Variants in ANKRD13C observed in about 807,000 individuals in gnomAD.
ANKRD13C encodes ankyrin repeat domain 13C.
In ANKRD13C, 16 loss-of-function variants were observed where a neutral mutation model predicts 65.5. The observed-to-expected ratio is 0.24, with a 90% CI of 0.17 to 0.37. The LOEUF (loss-of-function observed/expected upper bound fraction) is 0.37, where lower values mean the gene tolerates loss of function less well. Among genes scored for constraint, ANKRD13C ranks in the 10% least tolerant of loss-of-function variants. The pLI is 1.00. For synonymous variants in ANKRD13C, 235 were observed against 238.7 expected (o/e 0.98, Z 0.14); for missense variants, 503 against 655.9 (o/e 0.77, Z 2.55).
intron 3 of ANKRD13C, among the ~76,000 whole-genome samples, chr1:70,323,630 G>C (rs1681408038): frequency 6.6e-6 from 1 of 151,468 alleles, no homozygotes; most frequent in Admixed American, 6.6e-5. Context: ...CTGGGTGACA[G>C]GGCGAGACTC....
chr1:70,352,316 G>T (rs1186034899), intron 1 of ANKRD13C, among the ~76,000 whole-genome samples: 1 of 144,732 alleles, frequency 6.9e-6, no homozygotes, highest in Non-Finnish European at 1.5e-5. Context: ...CTCCAGCCTG[G>T]GCGACAGAGC....
chr1:70,265,940 A>G (rs199569807), intron 12 of ANKRD13C, among the ~76,000 whole-genome samples: 11,384 of 150,994 alleles, frequency 0.075, 637 homozygotes, highest in East Asian at 0.28. Context: ...AAGGGAGGGA[A>G]GAAGGAAGGA....
chr1:70,319,926 C>A (rs1440212468), intron 3 of ANKRD13C, among the ~76,000 whole-genome samples: 3 of 152,092 alleles, frequency 2.0e-5, no homozygotes, highest in Non-Finnish European at 2.9e-5. Flanking sequence ...ATGTTTCTGA[C>A]ACATCTAGTA....
intron 4 of ANKRD13C, among the ~76,000 whole-genome samples, chr1:70,314,193 CAT>C (rs933406656): frequency 4.6e-5 from 7 of 151,542 alleles, no homozygotes; most frequent in South Asian, 2.1e-4. Flanking sequence ...AAATCTGAAA[CAT>C]GTCATCATAT....
intron 5 of ANKRD13C, among the ~76,000 whole-genome samples, chr1:70,313,414 T>C (rs1375956301): frequency 6.6e-6 from 1 of 151,396 alleles, no homozygotes; most frequent in Non-Finnish European, 1.5e-5. Flanking sequence ...CCTGTGGTCC[T>C]AGCTACTCAG....
chr1:70,315,527 T>C lies in ANKRD13C; in HGVS notation c.617A>G (p.Glu206Gly). 6.2e-7 allele frequency: 1 copy of C among 1,609,464 alleles called. No homozygotes were observed. Among genetic ancestry groups the C allele is most frequent in the Non-Finnish European group, 8.5e-7 (1 of 1,177,638 alleles). ...TCGAGGTCGTTTTTCTTCAACACTT[T>C]CCCTGGATTGCTGCTTAAGCTTCCT... ...LLRKLKQQSR[E>G]SVEEKRPRLL... The change falls in exon 4 of 13, where the codon GAA becomes GGA. Residue 206 changes from glutamate (E) to glycine (G), a missense_variant. Physicochemically the swap from Glu to Gly is moderately conservative, Grantham distance 98. Around this residue, in one of 2 missense-constraint regions of ANKRD13C, gnomAD observed 300 missense variants for 478.3 expected, o/e 0.63. Transcript: ENST00000370944.
chr1:70,306,719 G>A (rs1051750799), intron 5 of ANKRD13C, among the ~76,000 whole-genome samples: 1 of 152,142 alleles, frequency 6.6e-6, no homozygotes, highest in African/African-American at 2.4e-5. Context: ...AGACATCTTT[G>A]AAGTGAGACA....
rs913303723 is a variant in ANKRD13C, at chr1:70,262,464, T to C, written c.*253A>G. ...CTCATAGCTGCTTCACATACGCAGG[T>C]CTTAGGGTCATTAATGTGTCAAACT... On this transcript the variant is annotated 3_prime_UTR_variant, in exon 13 of 13. Coordinates refer to ENST00000370944, the MANE Select transcript of ANKRD13C (RefSeq NM_030816.5). 6.1e-5 allele frequency: 15 copies of C among 244,166 alleles called. No individual in the cohort carries two copies. The highest frequency in any genetic ancestry group is 2.9e-4 in the African/African-American group (13 of 45,076). 15.1% of individuals were successfully genotyped at this position (244,166 alleles called of 1,614,324 possible).
intron 8 of ANKRD13C, chr1:70,293,427 G>A (rs1160328902): frequency 2.9e-6 from 1 of 342,046 alleles, no homozygotes; most frequent in Non-Finnish European, 4.1e-6. Context: ...AGTCCACCTT[G>A]CAAAAAAAGC....
At position 70,354,601 on chromosome 1, in the gene ANKRD13C, G is replaced by A; in HGVS notation, c.-193C>T. 1 of 1,329,026 alleles carries A rather than the reference G, an allele frequency of 7.5e-7. No individual in the cohort carries two copies. Among genetic ancestry groups the A allele is most frequent in the East Asian group, 2.5e-5 (1 of 39,384 alleles). The allele number at this position is 1,329,026 out of a possible 1,614,324, so 82.3% of individuals were successfully genotyped here. ...GGCTCTCGCCTAGGCACGAAGGGAC[G>A]CGCGCTCGCTGGGGGAAGCTAGAAC... On this transcript the variant is annotated 5_prime_UTR_variant, in exon 1 of 13. Coordinates refer to ENST00000370944, the MANE Select transcript of ANKRD13C (RefSeq NM_030816.5).
intron 9 of ANKRD13C, among the ~76,000 whole-genome samples, chr1:70,289,578 T>G (rs1311299209): frequency 6.6e-6 from 1 of 151,940 alleles, no homozygotes; most frequent in African/African-American, 2.4e-5. Context: ...GCCATTTTTC[T>G]GCCTCAGCCT....
intron 10 of ANKRD13C, among the ~76,000 whole-genome samples, chr1:70,275,234 T>C (rs923958307): frequency 6.6e-6 from 1 of 152,230 alleles, no homozygotes; most frequent in Non-Finnish European, 1.5e-5. Context: ...GAATTCTATA[T>C]TAACTATTAT....
chr1:70,331,815 C>T (rs1293451268), intron 2 of ANKRD13C, among the ~76,000 whole-genome samples: 3 of 92,440 alleles, frequency 3.2e-5, no homozygotes, highest in South Asian at 3.7e-4. Context: ...GAGCAAGACT[C>T]GACTCAAAAA....
At position 70,260,253 on chromosome 1, in the gene ANKRD13C, G is replaced by A. The variant is rs750004026; in HGVS notation, c.*2464C>T. Among the ~76,000 whole-genome samples the A allele has an allele frequency of 1.8e-4, 27 of 152,054 alleles. No homozygotes were observed. The highest frequency in any genetic ancestry group is 2.4e-4 in the Non-Finnish European group (16 of 67,958). On this transcript the variant is annotated 3_prime_UTR_variant, in exon 13 of 13. Transcript: ENST00000370944. ...CTTTTATGAAGTTTGGCAATTCTCT[G>A]TATGTGAATATCTACAGAGGGCAAA...
At chr1:70,267,195 A>T (rs921332631) in intron 12 of ANKRD13C, among the ~76,000 whole-genome samples, 4 of 152,028 alleles carry the variant, frequency 2.6e-5, no homozygotes, top group Non-Finnish European at 5.9e-5. Flanking sequence ...TGTCTCTAAT[A>T]ATTTTCTTTG....
At chr1:70,340,834 C>T (rs942990762) in intron 1 of ANKRD13C, among the ~76,000 whole-genome samples, 1 of 152,088 alleles carries the variant, frequency 6.6e-6, no homozygotes, top group South Asian at 2.1e-4. Context: ...CTATTGGGGG[C>T]GGGCACGGTG....
At chr1:70,311,195 G>A (rs1221312108) in intron 5 of ANKRD13C, among the ~76,000 whole-genome samples, 1 of 152,184 alleles carries the variant, frequency 6.6e-6, no homozygotes, top group Admixed American at 6.6e-5. Flanking sequence ...CCTACTATGG[G>A]TTGAATAAAA....
At chr1:70,284,878 C>G (rs1359333619) in intron 9 of ANKRD13C, among the ~76,000 whole-genome samples, 1 of 152,204 alleles carries the variant, frequency 6.6e-6, no homozygotes, top group Non-Finnish European at 1.5e-5. Context: ...AGTTTTCATT[C>G]CTGTTGTTTT....
chr1:70,289,625 C>T (rs560651216), intron 9 of ANKRD13C, among the ~76,000 whole-genome samples: 6 of 151,812 alleles, frequency 4.0e-5, no homozygotes, highest in African/African-American at 1.2e-4. Context: ...CGCCACCACG[C>T]CCGGCTAATT....
Sources: allele counts gnomAD v4.1 joint callset (sites outside exome capture counted in the v4.1 genomes callset), GRCh38; gene constraint gnomAD v4.1.1; regional missense constraint gnomAD v4.1.1; transcripts MANE v1.5; gene names NCBI Gene and HGNC (gene_info 2026-07-23, HGNC 2026-07-21).